Variants in CNNM4 observed in about 807,000 individuals in gnomAD.
CNNM4 encodes the protein cyclin and CBS domain divalent metal cation transport mediator 4.
Under a neutral mutation model 53.7 loss-of-function variants are expected in CNNM4, and 32 were observed. The observed-to-expected ratio is 0.60, with a 90% CI of 0.45 to 0.80. CNNM4 has a LOEUF of 0.80. Among genes scored for constraint, CNNM4 ranks in the 30% least tolerant of loss-of-function variants. The probability of loss-of-function intolerance (pLI) is 0.00; values close to 1 mark genes in which losing one functional copy is unlikely to be tolerated. For missense variants in CNNM4, 784 were observed against 1,022.0 expected (o/e 0.77, Z 3.17); for synonymous variants, 410 against 440.0 (o/e 0.93, Z 0.85).
intron 1 of CNNM4, among the ~76,000 whole-genome samples, chr2:96,794,166 G>A (rs1029099723): frequency 6.6e-6 from 1 of 152,070 alleles, no homozygotes; most frequent in Non-Finnish European, 1.5e-5. Context: ...CCTGGGGCTC[G>A]ATCTGTGGCA....
At chr2:96,768,472 G>A (rs983901578) in intron 1 of CNNM4, among the ~76,000 whole-genome samples, 1 of 152,164 alleles carries the variant, frequency 6.6e-6, no homozygotes, top group Non-Finnish European at 1.5e-5. Context: ...GCTGAGGGAG[G>A]GCAGGCCTGT....
At chr2:96,768,336 CTG>C (rs1411174078) in intron 1 of CNNM4, among the ~76,000 whole-genome samples, 1 of 151,670 alleles carries the variant, frequency 6.6e-6, no homozygotes, top group African/African-American at 2.4e-5. Flanking sequence ...GTGTCAGACA[CTG>C]TGCAGGCTGT....
At chr2:96,765,940 C>T (rs570176279) in intron 1 of CNNM4, among the ~76,000 whole-genome samples, 3 of 151,206 alleles carry the variant, frequency 2.0e-5, no homozygotes, top group African/African-American at 4.9e-5. Flanking sequence ...CCCGCCACCA[C>T]GCCCGGCTAT....
intron 1 of CNNM4, among the ~76,000 whole-genome samples, chr2:96,763,174 G>A (rs997153465): frequency 1.3e-5 from 2 of 152,210 alleles, no homozygotes; most frequent in Non-Finnish European, 2.9e-5. Context: ...GCCAGCGTAA[G>A]CTTCCCTCCA....
intron 1 of CNNM4, among the ~76,000 whole-genome samples, chr2:96,781,483 A>C (rs1013478890): frequency 1.3e-5 from 2 of 151,422 alleles, no homozygotes; most frequent in African/African-American, 4.9e-5. Flanking sequence ...CAAAATGCTG[A>C]GATCACAGGC....
chr2:96,766,089 T>C (rs955500393), intron 1 of CNNM4, among the ~76,000 whole-genome samples: 3 of 148,538 alleles, frequency 2.0e-5, no homozygotes, highest in African/African-American at 7.5e-5. Flanking sequence ...TGGCCTTTTT[T>C]TTTTTCTTTT....
chr2:96,805,446 T>A (rs7582809), intron 5 of CNNM4, among the ~76,000 whole-genome samples: 7 of 121,906 alleles, frequency 5.7e-5, no homozygotes, highest in Non-Finnish European at 7.6e-5. Flanking sequence ...TTTTATTATT[T>A]TTTTTTAAAT....
chr2:96,764,243 C>A (rs1240148048), intron 1 of CNNM4, among the ~76,000 whole-genome samples: 1 of 152,126 alleles, frequency 6.6e-6, no homozygotes, highest in Non-Finnish European at 1.5e-5. Context: ...AGAGGGCTGT[C>A]TTTGGGCTCT....
intron 5 of CNNM4, among the ~76,000 whole-genome samples, chr2:96,805,440 A>AATTTT (rs2079194974): frequency 5.7e-5 from 5 of 87,470 alleles, no homozygotes; most frequent in South Asian, 4.2e-4. Flanking sequence ...TTTTTTTTTT[A>AATTTT]TTATTTTTTT....
chr2:96,796,570 T>G (rs1317937321), intron 1 of CNNM4, among the ~76,000 whole-genome samples: 1 of 152,072 alleles, frequency 6.6e-6, no homozygotes, highest in African/African-American at 2.4e-5. Context: ...GAGACCAGCT[T>G]GAGCAACATA....
intron 1 of CNNM4, among the ~76,000 whole-genome samples, chr2:96,795,859 C>T (rs1001294036): frequency 2.0e-5 from 3 of 152,146 alleles, no homozygotes; most frequent in African/African-American, 7.2e-5. Context: ...TGGCTGGACC[C>T]TCTTGCCACT....
chr2:96,787,686 C>A (rs1241170692), intron 1 of CNNM4, among the ~76,000 whole-genome samples: 1 of 152,010 alleles, frequency 6.6e-6, no homozygotes, highest in Non-Finnish European at 1.5e-5. Flanking sequence ...AGTGAAACCT[C>A]ATCTCTACAA....
rs779428219 is a variant in CNNM4 at position 96,801,705 on chromosome 2, CAG to C, written c.1948+2063_1948+2064del. On this transcript the variant is annotated intron_variant, in intron 5 of 6. Transcript: ENST00000377075. This position sits in a 1 kb window ranked among gnomAD's most constrained non-coding sequence, Gnocchi z 5.6. ...CACACGCAGAGAGACCACACACACG[CAG>C]AGAGACCACACACATGCAGAGACCA... Among the ~76,000 whole-genome samples, 6 of 145,158 alleles carry C rather than the reference CAG, an allele frequency of 4.1e-5. No homozygotes were observed. The highest frequency in any genetic ancestry group is 4.3e-4 in the South Asian group (2 of 4,704).
intron 1 of CNNM4, among the ~76,000 whole-genome samples, chr2:96,788,289 CTG>C (rs1283605719): frequency 6.7e-6 from 1 of 149,332 alleles, no homozygotes; most frequent in Non-Finnish European, 1.5e-5. Context: ...GGGTCTCACT[CTG>C]TCTCAGAGTC....
At chr2:96,807,310 A>G (rs1234396480) in intron 5 of CNNM4, among the ~76,000 whole-genome samples, 2 of 152,160 alleles carry the variant, frequency 1.3e-5, no homozygotes, top group Non-Finnish European at 2.9e-5. Context: ...AGCCCCTGAT[A>G]AGAGCATTTA....
Position 96,801,467 on chromosome 2 carries a change from C to T in CNNM4, c.1948+1819C>T, listed in dbSNP as rs552926191. Among the ~76,000 whole-genome samples, 2 of 151,782 alleles carry T rather than the reference C, an allele frequency of 1.3e-5. No individual in the cohort carries two copies. The highest frequency in any genetic ancestry group is 4.8e-5 in the African/African-American group (2 of 41,276). ...AGACCACATGCAGAGAGACCGCACACACAGAGAGAGACCACACACACACAG... is the reference window on the plus strand; with the variant it reads ...AGACCACATGCAGAGAGACCGCACATACAGAGAGAGACCACACACACACAG... On this transcript the variant is annotated intron_variant, in intron 5 of 6. Coordinates refer to ENST00000377075, the MANE Select transcript of CNNM4 (RefSeq NM_020184.4). The surrounding 1 kb of genome is among the most constrained non-coding windows in gnomAD (Gnocchi z 5.6).
rs538618999 is a variant in CNNM4 at position 96,762,856 on chromosome 2, A to G, written c.1402+455A>G. ...TGCTTGAGGCAGAGGGAACCCCGCA[A>G]GCAGAGAACCGGAGTGGAGAAGCAA... On this transcript the variant is annotated intron_variant, in intron 1 of 6. Transcript: ENST00000377075. Among the ~76,000 whole-genome samples the G allele has an allele frequency of 3.3e-4, 50 of 152,236 alleles. 1 individual carries two copies. The South Asian group carries it at 5.6e-3, about 17-fold the overall frequency.
intron 3 of CNNM4, among the ~76,000 whole-genome samples, chr2:96,798,530 C>G (rs2079126623): frequency 6.6e-6 from 1 of 152,198 alleles, no homozygotes; most frequent in Non-Finnish European, 1.5e-5. Flanking sequence ...GTGACAGGTT[C>G]TGCTCTGCCC....
intron 1 of CNNM4, among the ~76,000 whole-genome samples, chr2:96,769,868 A>G (rs1055586937): frequency 1.3e-5 from 2 of 152,204 alleles, no homozygotes; most frequent in Admixed American, 1.3e-4. Context: ...GATCTCAAGA[A>G]GCTGCCTGGG....
Sources: gnomAD v4.1 joint callset for allele counts (sites outside exome capture counted in the v4.1 genomes callset) on GRCh38, gnomAD v4.1.1 for gene constraint, Gnocchi (gnomAD v3.1) non-coding constraint, MANE v1.5 for transcripts, NCBI Gene and HGNC (gene_info 2026-07-23, HGNC 2026-07-21) for gene names.